USP39: variants seen among roughly 807,000 people sequenced by gnomAD.
USP39 encodes ubiquitin carboxyl-terminal hydrolase 39.
In USP39, 38 loss-of-function variants were observed where a neutral mutation model predicts 66.4. That is an observed-to-expected ratio of 0.57 (90% CI 0.44 to 0.75). The LOEUF is 0.75. Among genes scored for constraint, USP39 ranks in the 30% least tolerant of loss-of-function variants. USP39 has a pLI of 0.00. For missense variants in USP39, 608 were observed against 714.4 expected (o/e 0.85, Z 1.70); for synonymous variants, 303 against 274.6 (o/e 1.10, Z -1.02).
At chr2:85,605,048 G>T (rs1044347224) in intron 1 of USP39, among the ~76,000 whole-genome samples, 6 of 152,176 alleles carry the variant, frequency 3.9e-5, no homozygotes, top group African/African-American at 1.2e-4. Context: ...AGTAGGACCA[G>T]ATGTCTTTAA....
chr2:85,633,831 CTTTTTT>C (rs35970499), intron 6 of USP39, among the ~76,000 whole-genome samples: 4 of 78,970 alleles, frequency 5.1e-5, no homozygotes, highest in Non-Finnish European at 7.0e-5. Flanking sequence ...CGAGTAGTGG[CTTTTTT>C]TTTTTTTTTT....
rs183796961 is a variant in USP39 at position 85,631,154 on chromosome 2, A to G, written c.949+208A>G. 1.1e-4 allele frequency among the ~76,000 whole-genome samples: 16 copies of G among 152,086 alleles called. No individual in the cohort carries two copies. In the East Asian group the frequency reaches 2.7e-3, roughly 26 times the overall value. On this transcript the variant is annotated intron_variant, in intron 6 of 12. Transcript: ENST00000323701. ...TTCAGCCTCCCAAGTAGCTGGGACT[A>G]TAGGCACGCACCACCACGCCCGGCT...
intron 3 of USP39, 147 bp from the exon 4 acceptor site, chr2:85,623,499 G>GT: frequency 8.5e-7 from 1 of 1,180,514 alleles, no homozygotes; most frequent in African/African-American, 1.6e-5. Context: ...AGAACTTCAT[G>GT]TGGAGGATTC....
chr2:85,625,425 T>C, intron 4 of USP39, 114 bp from the exon 5 acceptor site: 2 of 1,367,152 alleles, frequency 1.5e-6, no homozygotes, highest in Non-Finnish European at 2.0e-6. Flanking sequence ...TATTTTTCTG[T>C]GTGTGGTGGG....
intron 12 of USP39, 121 bp from the exon 13 acceptor site, chr2:85,648,640 G>T: frequency 8.7e-7 from 1 of 1,147,366 alleles, no homozygotes; most frequent in Non-Finnish European, 1.3e-6. Flanking sequence ...TCCAAATGGG[G>T]TATAGCAGAT....
chr2:85,625,656 AT>A lies in USP39; in HGVS notation c.689del (p.Ile230LysfsTer51). The A allele has an allele frequency of 6.2e-7, 1 of 1,613,868 alleles. No individual in the cohort carries two copies. The highest frequency in any genetic ancestry group is 8.5e-7 in the Non-Finnish European group (1 of 1,179,840). ...GCCGGGTATTGTGGGACTGAATAACATAAAGGCCAATGATTATGCCAACGCT... is the reference window on the plus strand; with the variant it reads ...GCCGGGTATTGTGGGACTGAATAACAAAAGGCCAATGATTATGCCAACGCT... ...YLPGIVGLNN[I>X]KANDYANAVL... is the part of the protein sequence containing the mutation. On this transcript the variant is annotated frameshift_variant, in exon 5 of 13. Transcript: ENST00000323701. LOFTEE classifies it high-confidence loss of function.
intron 11 of USP39, 159 bp downstream of exon 11, chr2:85,645,242 T>C: frequency 1.0e-6 from 1 of 975,386 alleles, no homozygotes. Context: ...GCAGTGGTTC[T>C]CAATTTTGGC....
intron 1 of USP39, among the ~76,000 whole-genome samples, chr2:85,616,851 G>A (rs772958558): frequency 6.6e-6 from 1 of 151,594 alleles, no homozygotes; most frequent in Non-Finnish European, 1.5e-5. Context: ...CACCACGCCC[G>A]GCTAATTTTT....
chr2:85,625,816 T>G, intron 5 of USP39, 125 bp downstream of exon 5: 1 of 1,220,526 alleles, frequency 8.2e-7, no homozygotes, highest in Non-Finnish European at 1.1e-6. Flanking sequence ...GTCAAGAGTT[T>G]GAGCCAGCCT....
intron 5 of USP39, among the ~76,000 whole-genome samples, chr2:85,628,940 T>C (rs1675093254): frequency 1.3e-5 from 2 of 152,290 alleles, no homozygotes; most frequent in South Asian, 4.1e-4. Context: ...GCTGACTCCC[T>C]GAATGGATGA....
chr2:85,632,890 T>C (rs570178548), intron 6 of USP39, among the ~76,000 whole-genome samples: 5 of 151,824 alleles, frequency 3.3e-5, no homozygotes, highest in African/African-American at 9.7e-5. Context: ...GAGTTTTAGG[T>C]AGAGGTGGAG....
chr2:85,647,659 AAAAAAAAAAAAAAAC>A (rs1676748154), intron 11 of USP39, among the ~76,000 whole-genome samples: 1 of 126,980 alleles, frequency 7.9e-6, no homozygotes, highest in South Asian at 2.5e-4. Context: ...ACCCTGTCTC[AAAAAAAAAAAAAAAC>A]AAAAAAACAA....
chr2:85,646,246 A>G (rs541467460), intron 11 of USP39: 1 of 152,332 alleles, frequency 6.6e-6, no homozygotes, highest in South Asian at 2.1e-4. Context: ...TGTACTTGAG[A>G]TATATTTGAT....
chr2:85,642,743 A>G (rs1676332869), intron 10 of USP39, among the ~76,000 whole-genome samples: 2 of 152,170 alleles, frequency 1.3e-5, no homozygotes, highest in South Asian at 2.1e-4. Context: ...CTTGAAAAGG[A>G]TCTTTTTCAT....
upstream of USP39, among the ~76,000 whole-genome samples, chr2:85,614,059 G>A (rs893731816): frequency 3.3e-5 from 5 of 151,918 alleles, no homozygotes; most frequent in African/African-American, 9.7e-5. Flanking sequence ...GTGAGCCACC[G>A]TACTGGGCCC....
upstream of USP39, chr2:85,607,389 A>T (rs932771779): frequency 1.3e-5 from 2 of 152,204 alleles, no homozygotes; most frequent in Non-Finnish European, 2.9e-5. Context: ...CTGCCTAAGT[A>T]GAGGACAAAG....
intron 6 of USP39, among the ~76,000 whole-genome samples, chr2:85,634,451 G>A (rs146497594): frequency 2.4e-4 from 36 of 152,268 alleles, no homozygotes; most frequent in African/African-American, 7.2e-4. Flanking sequence ...GCACACGCCT[G>A]TAGTCCCAGC....
At chr2:85,629,369 C>G (rs1675138834) in intron 5 of USP39, among the ~76,000 whole-genome samples, 1 of 151,788 alleles carries the variant, frequency 6.6e-6, no homozygotes, top group South Asian at 2.1e-4. Context: ...ACCCCTCCTC[C>G]CAGTTTTGTA....
chr2:85,626,346 C>T (rs560191806), intron 5 of USP39, among the ~76,000 whole-genome samples: 2 of 152,166 alleles, frequency 1.3e-5, no homozygotes, highest in South Asian at 4.2e-4. Context: ...GCAAGAAGAG[C>T]GAAACTCCTC....
Sources: allele counts gnomAD v4.1 joint callset (sites outside exome capture counted in the v4.1 genomes callset), GRCh38; gene constraint gnomAD v4.1.1; transcripts MANE v1.5; gene names NCBI Gene and HGNC (gene_info 2026-07-23, HGNC 2026-07-21).